The following PLAAT3 variants were observed in gnomAD, a reference collection of about 807,000 sequenced individuals.
PLAAT3 encodes phospholipase A and acyltransferase 3.
A neutral mutation model predicts 16.7 loss-of-function variants in PLAAT3; 21 were observed. The ratio of observed to expected loss-of-function variants is 1.26; its 90% CI spans 0.89 to 1.81. The LOEUF (loss-of-function observed/expected upper bound fraction) is 1.81, where lower values mean the gene tolerates loss of function less well. Ranked by LOEUF, PLAAT3 falls within the 40% of genes most tolerant of loss-of-function variation. The probability of loss-of-function intolerance (pLI) is 0.00; values close to 1 mark genes in which losing one functional copy is unlikely to be tolerated. For missense variants in PLAAT3, 219 were observed against 213.7 expected, an observed-to-expected ratio of 1.02 and a Z score of -0.16; for synonymous variants, 76 against 81.7, an observed-to-expected ratio of 0.93 and a Z score of 0.38.
intron 3 of PLAAT3, among the ~76,000 whole-genome samples, chr11:63,591,574 T>C (rs1217061176): frequency 1.3e-5 from 2 of 152,100 alleles, no homozygotes; most frequent in African/African-American, 2.4e-5. Flanking sequence ...ATGACATCCG[T>C]GTGACAGCAA....
chr11:63,576,557 A>C (rs1006695972), intron 4 of PLAAT3, among the ~76,000 whole-genome samples: 2 of 152,236 alleles, frequency 1.3e-5, no homozygotes, highest in African/African-American at 4.8e-5. Context: ...CGGGAAGTGG[A>C]ATTTGCAGTG....
chr11:63,588,717 T>C (rs147504431), intron 4 of PLAAT3, among the ~76,000 whole-genome samples: 40 of 152,242 alleles, frequency 2.6e-4, no homozygotes, highest in African/African-American at 7.5e-4. Flanking sequence ...CATTCATATA[T>C]AAATAGTTGT....
intron 2 of PLAAT3, among the ~76,000 whole-genome samples, chr11:63,602,699 C>T (rs1938462000): frequency 6.6e-6 from 1 of 152,090 alleles, no homozygotes; most frequent in East Asian, 1.9e-4. Context: ...TGGAACATCG[C>T]CAGGCTCATA....
rs1938395289 is a variant in PLAAT3, at chr11:63,600,459, C to A, written c.16-2296G>T. 2.6e-5 allele frequency among the ~76,000 whole-genome samples: 4 copies of A among 152,160 alleles called. No homozygotes were observed. The South Asian group carries it at 8.3e-4, about 32-fold the overall frequency. On this transcript the variant is annotated intron_variant, in intron 2 of 4. Coordinates refer to ENST00000415826, the MANE Select transcript of PLAAT3 (RefSeq NM_001128203.2). Reference sequence around the variant, plus strand: ...ATATGTCATTCCAGAGCAGGCATAACTACAGCACGGAAAAGTGATCTGTGA... The same window carrying A: ...ATATGTCATTCCAGAGCAGGCATAAATACAGCACGGAAAAGTGATCTGTGA...
chr11:63,601,807 C>T (rs1272415022), intron 2 of PLAAT3, among the ~76,000 whole-genome samples: 2 of 151,978 alleles, frequency 1.3e-5, no homozygotes, highest in Admixed American at 1.3e-4. Flanking sequence ...GAAGCCCTGC[C>T]TCTACCAAAA....
intron 4 of PLAAT3, among the ~76,000 whole-genome samples, chr11:63,589,328 C>G (rs1383534848): frequency 6.8e-6 from 1 of 148,056 alleles, no homozygotes; most frequent in East Asian, 2.0e-4. Flanking sequence ...GGATCTTAAG[C>G]TAATCATTCA....
At position 63,586,633 on chromosome 11, in the gene PLAAT3, TA is replaced by T. The variant is rs557420718; in HGVS notation, c.387+3466del. On this transcript the variant is annotated intron_variant, in intron 4 of 4. Transcript: ENST00000415826. The stretch of plus-strand genomic sequence containing the variant: ...GAGCATGAGTTTTACCAAGAGTAAG[TA>T]AACACCTTGATAGTGATGCAAGATC... Among the ~76,000 whole-genome samples, 316 of 152,290 alleles carry T rather than the reference TA, an allele frequency of 2.1e-3. 1 individual carries two copies. Among genetic ancestry groups the T allele is most frequent in the African/African-American group, 7.4e-3 (309 of 41,558 alleles).
intron 2 of PLAAT3, among the ~76,000 whole-genome samples, chr11:63,601,185 G>A (rs1267569098): frequency 2.7e-5 from 4 of 149,784 alleles, no homozygotes; most frequent in Non-Finnish European, 5.9e-5. Context: ...CTCCCAAGTA[G>A]CTGGGACTAC....
intron 4 of PLAAT3, among the ~76,000 whole-genome samples, chr11:63,579,902 T>C (rs1590681183): frequency 7.1e-6 from 1 of 141,670 alleles, no homozygotes; most frequent in Admixed American, 7.1e-5. Flanking sequence ...AAGAAGACAA[T>C]GGAGCAATGC....
At chr11:63,608,133 G>A (rs995393548) in intron 2 of PLAAT3, among the ~76,000 whole-genome samples, 2 of 152,182 alleles carry the variant, frequency 1.3e-5, no homozygotes, top group African/African-American at 4.8e-5. Context: ...AGTGAGCCGA[G>A]ATCGTGCCAC....
chr11:63,583,616 C>G (rs1326894574), intron 4 of PLAAT3, among the ~76,000 whole-genome samples: 1 of 152,202 alleles, frequency 6.6e-6, no homozygotes, highest in African/African-American at 2.4e-5. Flanking sequence ...GTGCTACCTT[C>G]AGATGCCATT....
chr11:63,590,201 C>G lies in PLAAT3; in HGVS notation c.286G>C (p.Ala96Pro). The change falls in exon 4 of 5, where the codon GCG becomes CCG. Residue 96 changes from alanine to proline, a missense_variant. Transcript: ENST00000415826. ...ACCTCCTGCCCCACCAGCTCCTCCG[C>G]CCGCTGGATGATTTTGCTGCAGGGC... is the stretch of plus-strand genomic sequence containing the variant. ...PLPCSKIIQR[A>P]EELVGQEVLY... is the part of the protein sequence containing the mutation. 1.2e-6 allele frequency: 2 copies of G among 1,614,204 alleles called. No homozygotes were observed. Among genetic ancestry groups the G allele is most frequent in the Non-Finnish European group, 1.7e-6 (2 of 1,180,012 alleles).
At chr11:63,592,805 T>C (rs572164957) in intron 3 of PLAAT3, among the ~76,000 whole-genome samples, 1 of 152,334 alleles carries the variant, frequency 6.6e-6, no homozygotes, top group East Asian at 1.9e-4. Flanking sequence ...CTTTCACCAG[T>C]GTCTGGCACA....
chr11:63,591,124 G>A (rs986337386), intron 3 of PLAAT3, among the ~76,000 whole-genome samples: 4 of 152,154 alleles, frequency 2.6e-5, no homozygotes, highest in Non-Finnish European at 5.9e-5. Flanking sequence ...GCTCATACCT[G>A]TAATCCCAGC....
chr11:63,599,804 A>G (rs1323767080), intron 2 of PLAAT3, among the ~76,000 whole-genome samples: 1 of 152,082 alleles, frequency 6.6e-6, no homozygotes, highest in East Asian at 1.9e-4. Context: ...TCAAACAGAC[A>G]AGGACATAAA....
chr11:63,615,044 A>ATATGTG (rs1555047782), upstream of PLAAT3, among the ~76,000 whole-genome samples: 6 of 20,570 alleles, frequency 2.9e-4, 2 homozygotes, highest in East Asian at 0.011. Context: ...ATATATATGT[A>ATATGTG]TATATATGTG....
intron 4 of PLAAT3, among the ~76,000 whole-genome samples, chr11:63,584,506 TTG>T (rs1374369971): frequency 1.2e-5 from 1 of 80,256 alleles, no homozygotes; most frequent in African/African-American, 6.1e-5. Context: ...ACTTTTTTTT[TTG>T]TTTTTTTTTG....
chr11:63,584,518 GT>G (rs1217065281), intron 4 of PLAAT3, among the ~76,000 whole-genome samples: 65 of 114,208 alleles, frequency 5.7e-4, no homozygotes, highest in Middle Eastern at 4.3e-3. Context: ...GTTTTTTTTT[GT>G]TTTTTTTTTT....
chr11:63,604,692 A>G (rs1158319145), intron 2 of PLAAT3, among the ~76,000 whole-genome samples: 4 of 151,946 alleles, frequency 2.6e-5, no homozygotes, highest in Non-Finnish European at 5.9e-5. Context: ...GAACCTGAGA[A>G]GTGGAGCTTG....
Sources: gnomAD v4.1 joint callset for allele counts (sites outside exome capture counted in the v4.1 genomes callset) on GRCh38, gnomAD v4.1.1 for gene constraint, MANE v1.5 for transcripts, NCBI Gene and HGNC (gene_info 2026-07-23, HGNC 2026-07-21) for gene names.